RANBP10: variants seen among roughly 807,000 people sequenced by gnomAD.
RANBP10 encodes the protein ran-binding protein 10.
RANBP10 carries 24 observed loss-of-function variants against 72.8 expected under a neutral mutation model. The observed-to-expected ratio is 0.33, with a 90% confidence interval of 0.24 to 0.46. RANBP10 has a LOEUF of 0.46. Among genes scored for constraint, RANBP10 ranks in the 20% least tolerant of loss-of-function variants. The pLI is 1.00. For missense variants in RANBP10, 679 were observed against 817.5 expected (o/e 0.83, Z 2.07); for synonymous variants, 310 against 322.3 (o/e 0.96, Z 0.41).
rs2053562824 is a variant in RANBP10, at chr16:67,723,877, T to G, written c.*2551A>C. On this transcript the variant is annotated 3_prime_UTR_variant, in exon 14 of 14. Coordinates refer to ENST00000317506, the MANE Select transcript of RANBP10 (RefSeq NM_020850.3). ...CAGGCCTGGACTCTCAGCAAGAGAG[T>G]GGGCTCAAGCAGCTTGGTTTTGGCC... 2.0e-5 allele frequency: 3 copies of G among 152,142 alleles called. No homozygotes were observed. Among genetic ancestry groups the G allele is most frequent in the African/African-American group, 7.3e-5 (3 of 41,318 alleles). 9.4% of individuals were successfully genotyped at this position (152,142 alleles called of 1,614,324 possible).
intron 4 of RANBP10, among the ~76,000 whole-genome samples, chr16:67,739,281 A>G (rs1281027901): frequency 6.6e-6 from 1 of 152,166 alleles, no homozygotes; most frequent in Non-Finnish European, 1.5e-5. Context: ...TCCATCCATT[A>G]CTTCATCTGA....
chr16:67,775,714 AAGATCACCTGAGCCCAG>A, intron 2 of RANBP10, among the ~76,000 whole-genome samples: 1 of 150,622 alleles, frequency 6.6e-6, no homozygotes, highest in Non-Finnish European at 1.5e-5. Context: ...CTGAGGTGGG[AAGATCACCTGAGCCCAG>A]GAGATCAAGA....
chr16:67,753,867 G>C (rs2054239784), intron 3 of RANBP10, among the ~76,000 whole-genome samples: 1 of 152,152 alleles, frequency 6.6e-6, no homozygotes, highest in African/African-American at 2.4e-5. Flanking sequence ...GGTCGCGGTG[G>C]CTCATGCCTG....
rs1022749737 is a variant in RANBP10 at position 67,726,196 on chromosome 16, G to C, written c.*232C>G. On this transcript the variant is annotated 3_prime_UTR_variant, in exon 14 of 14. Transcript: ENST00000317506. ...AGAAGGCGCTACATGAGAGTAACCA[G>C]CCAATACTGTGTTACAGGCCGCTGC... 1 of 522,116 alleles carries C rather than the reference G, an allele frequency of 1.9e-6. No individual in the cohort carries two copies. The highest frequency in any genetic ancestry group is 1.9e-5 in the African/African-American group (1 of 51,478). The allele number at this position is 522,116 out of a possible 1,614,324, so 32.3% of individuals were successfully genotyped here.
At chr16:67,789,155 C>T (rs994005673) in intron 2 of RANBP10, among the ~76,000 whole-genome samples, 2 of 151,214 alleles carry the variant, frequency 1.3e-5, no homozygotes, top group African/African-American at 4.9e-5. Flanking sequence ...ACTAAAAATA[C>T]AAAATTTAGC....
chr16:67,737,651 T>A (rs1323709126), intron 5 of RANBP10, among the ~76,000 whole-genome samples: 1 of 151,734 alleles, frequency 6.6e-6, no homozygotes, highest in East Asian at 1.9e-4. Context: ...CTAGGTTCCC[T>A]CACAGTTCAG....
At position 67,730,153 on chromosome 16, in the gene RANBP10, C is replaced by T. The variant is rs2053698003; in HGVS notation, c.890-107G>A. 2.1e-6 allele frequency: 2 copies of T among 972,414 alleles called. No individual in the cohort carries two copies. The highest frequency in any genetic ancestry group is 1.4e-5 in the South Asian group (1 of 70,586). 60.2% of individuals were successfully genotyped at this position (972,414 alleles called of 1,614,324 possible). A position where few individuals can be genotyped will look rare whatever the true frequency, so the allele number is the denominator to read the frequency against. The stretch of plus-strand genomic sequence containing the variant: ...GGGTAGGGTCCGGCTCAGAGTGCCT[C>T]GCCAGCTTGAAATGCTCACAGGAGA... On this transcript the variant is annotated intron_variant, in intron 7 of 13. Transcript: ENST00000317506. This position sits in a 1 kb window ranked among gnomAD's most constrained non-coding sequence, Gnocchi z 4.3.
intron 2 of RANBP10, among the ~76,000 whole-genome samples, chr16:67,800,700 C>T (rs1038997721): frequency 2.0e-5 from 3 of 152,136 alleles, no homozygotes; most frequent in Admixed American, 2.0e-4. Flanking sequence ...GCAGTTGAAG[C>T]CCATCAGTCT....
intron 3 of RANBP10, among the ~76,000 whole-genome samples, chr16:67,749,689 T>C (rs117142626): frequency 0.011 from 1,604 of 152,278 alleles, 22 homozygotes; most frequent in Admixed American, 0.012. Flanking sequence ...GACAGAACAA[T>C]GCCCATTCCC....
chr16:67,794,374 T>C (rs957404989), intron 2 of RANBP10, among the ~76,000 whole-genome samples: 17 of 150,890 alleles, frequency 1.1e-4, no homozygotes, highest in Non-Finnish European at 1.9e-4. Flanking sequence ...GGGGCGGAGG[T>C]TGGAGTGAGC....
chr16:67,739,755 C>A (rs1441877248), intron 4 of RANBP10: 2 of 152,192 alleles, frequency 1.3e-5, no homozygotes, highest in Admixed American at 6.5e-5. Flanking sequence ...GGTGCCAGAG[C>A]AAGACCCTGT....
intron 2 of RANBP10, among the ~76,000 whole-genome samples, chr16:67,796,924 C>A (rs958983569): frequency 2.0e-5 from 3 of 152,158 alleles, no homozygotes; most frequent in Non-Finnish European, 2.9e-5. Context: ...AATGGAGAGG[C>A]AGAGGAACAT....
At chr16:67,771,400 C>T (rs1345291840) in intron 3 of RANBP10, among the ~76,000 whole-genome samples, 1 of 151,606 alleles carries the variant, frequency 6.6e-6, no homozygotes, top group African/African-American at 2.4e-5. Context: ...GGCTGGAGTG[C>T]AGTGGCGCAA....
In RANBP10 at chr16:67,735,001, C is replaced by T; in HGVS notation, c.633G>A (p.Glu211=). The T allele has an allele frequency of 6.2e-7, 1 of 1,613,524 alleles. No individual in the cohort carries two copies. Among genetic ancestry groups the T allele is most frequent in the South Asian group, 1.1e-5 (1 of 90,976 alleles). ...GCTGCCCAAAGTTGGCGTCCACAAT[C>T]TCCCCAGGTGTCTGCAGGCCTACGG... ...YPTVGLQTPG[E]IVDANFGQQP... is the part of the protein sequence containing the mutation. Residue 211 remains glutamate (E), a synonymous_variant, in exon 6 of 14, where the codon GAG becomes GAA. Coordinates refer to ENST00000317506, the MANE Select transcript of RANBP10 (RefSeq NM_020850.3).
At chr16:67,779,766 G>C (rs1335758557) in intron 2 of RANBP10, among the ~76,000 whole-genome samples, 1 of 152,180 alleles carries the variant, frequency 6.6e-6, no homozygotes, top group African/African-American at 2.4e-5. Context: ...GGGACATAAG[G>C]GTGGGGGCCT....
At chr16:67,746,885 G>C (rs942194795) in intron 3 of RANBP10, among the ~76,000 whole-genome samples, 11 of 152,178 alleles carry the variant, frequency 7.2e-5, no homozygotes, top group Non-Finnish European at 1.2e-4. Context: ...TTGCTGAGTA[G>C]TACTCCATGT....
In RANBP10 at chr16:67,806,505, C is replaced by A. The variant is rs1256087251; in HGVS notation, c.32G>T (p.Gly11Val). Residue 11 changes from glycine to valine, a missense_variant, in exon 1 of 14, where the codon GGG (glycine) becomes GTG (valine). Physicochemically the swap from Gly to Val is moderately radical, Grantham distance 109. Transcript: ENST00000317506. The part of the protein sequence containing the change: MAAATADPGA[G>V]NPQPGDSSGG... ...GGAGGAGTCCCCAGGCTGCGGGTTC[C>A]CAGCTCCCGGGTCTGCCGTCGCTGC... The A allele has an allele frequency of 1.3e-6, 2 of 1,528,150 alleles. No individual in the cohort carries two copies. The highest frequency in any genetic ancestry group is 2.4e-5 in the South Asian group (2 of 83,868). The allele number at this position is 1,528,150 out of a possible 1,614,324, so 94.7% of individuals were successfully genotyped here.
At position 67,806,317 on chromosome 16, in the gene RANBP10, G is replaced by A. The variant is rs779499217; in HGVS notation, c.220C>T (p.Arg74Cys). The change falls in exon 1 of 14, where the codon CGC becomes TGC. Residue 74 changes from arginine to cysteine, a missense_variant. Arg to Cys is a radical substitution (Grantham distance 180). Transcript: ENST00000317506. ...NYIGLSQGNL[R>C]VHYKGHGKNH... ...GGGCCGATACCTTTGTAGTGGACGCGGAGGTTGCCCTGGGAGAGACCAATG... is the reference window on the plus strand; with the variant it reads ...GGGCCGATACCTTTGTAGTGGACGCAGAGGTTGCCCTGGGAGAGACCAATG... 5.6e-6 allele frequency: 9 copies of A among 1,612,668 alleles called. No homozygotes were observed. Among genetic ancestry groups the A allele is most frequent in the Admixed American group, 3.3e-5 (2 of 59,774 alleles).
chr16:67,733,159 G>A (rs1806566645), intron 6 of RANBP10, among the ~76,000 whole-genome samples: 1 of 151,676 alleles, frequency 6.6e-6, no homozygotes, highest in Admixed American at 6.6e-5. Context: ...GAGCCCAGAA[G>A]TTTGAGACCA....
Sources: gnomAD v4.1 joint callset for allele counts (sites outside exome capture counted in the v4.1 genomes callset) on GRCh38, gnomAD v4.1.1 for gene constraint, Gnocchi (gnomAD v3.1) non-coding constraint, MANE v1.5 for transcripts, NCBI Gene and HGNC (gene_info 2026-07-23, HGNC 2026-07-21) for gene names.